Variants in PTPRD observed in about 807,000 individuals in gnomAD.
PTPRD encodes protein tyrosine phosphatase receptor type D.
In PTPRD, 34 loss-of-function variants were observed where a neutral mutation model predicts 214.5. The observed-to-expected ratio is 0.16, with a 90% CI of 0.12 to 0.21. The LOEUF is 0.21. Among genes scored for constraint, PTPRD ranks in the 10% least tolerant of loss-of-function variants. PTPRD has a pLI of 1.00. For synonymous variants in PTPRD, 1,128 were observed against 845.7 expected (o/e 1.33, Z -5.79); for missense variants, 2,545 against 2,398.7 (o/e 1.06, Z -1.27).
chr9:9,390,580 G>T (rs2065460296), intron 9 of PTPRD, among the ~76,000 whole-genome samples: 1 of 152,140 alleles, frequency 6.6e-6, no homozygotes, highest in South Asian at 2.1e-4. Context: ...TGTTATTATT[G>T]TTATTATTGC....
At chr9:10,378,777 T>A (rs1032989934) in intron 2 of PTPRD, among the ~76,000 whole-genome samples, 23 of 152,080 alleles carry the variant, frequency 1.5e-4, no homozygotes, top group African/African-American at 5.6e-4. Flanking sequence ...ACCTTTTGCA[T>A]AGAATAGTTT....
chr9:8,572,260 G>A (rs1433583311), intron 14 of PTPRD, among the ~76,000 whole-genome samples: 1 of 151,992 alleles, frequency 6.6e-6, no homozygotes, highest in Non-Finnish European at 1.5e-5. Flanking sequence ...TTAAGAGTCA[G>A]AATATAGCCT....
Position 9,576,020 on chromosome 9 carries a change from C to T in PTPRD, c.-286-1239G>A, listed in dbSNP as rs78558276. ...TGACTGGTAGGTCTACAAGTAGGTG[C>T]TCTACTGTGTAACCTCTAGCTAATT... On this transcript the variant is annotated intron_variant, in intron 7 of 45. Transcript: ENST00000381196. Among the ~76,000 whole-genome samples the T allele has an allele frequency of 9.2e-3, 1,403 of 152,080 alleles. 24 individuals are homozygous for T. The highest frequency in any genetic ancestry group is 0.031 in the African/African-American group (1,301 of 41,506).
intron 4 of PTPRD, among the ~76,000 whole-genome samples, chr9:9,987,043 A>T (rs1936366): frequency 0.62 from 94,318 of 151,882 alleles, 29,711 homozygotes; most frequent in Middle Eastern, 0.76. Flanking sequence ...ATAAGAGAGA[A>T]GATGAAAAAA....
In PTPRD at chr9:8,608,084, C is replaced by T. The variant is rs191031355; in HGVS notation, c.352+25233G>A. ...ACACTGTTTTTCCATTATTCAATTC[C>T]GCATATAGCTGAGAATAGGACACAG... On this transcript the variant is annotated intron_variant, in intron 14 of 45. Transcript: ENST00000381196. Among the ~76,000 whole-genome samples, 245 of 151,926 alleles carry T rather than the reference C, an allele frequency of 1.6e-3. 4 individuals carry two copies. Among genetic ancestry groups the T allele is most frequent in the Non-Finnish European group, 7.4e-4 (50 of 67,986 alleles).
At chr9:9,275,192 ATATATAT>A (rs374194515) in intron 9 of PTPRD, among the ~76,000 whole-genome samples, 4,693 of 18,436 alleles carry the variant, frequency 0.25, 280 homozygotes, top group Non-Finnish European at 0.34. Context: ...TGTTATATAT[ATATATAT>A]TATATATATA....
intron 10 of PTPRD, among the ~76,000 whole-genome samples, chr9:9,135,027 A>T (rs1469512962): frequency 1.3e-5 from 2 of 152,186 alleles, no homozygotes; most frequent in Non-Finnish European, 2.9e-5. Context: ...TATGCGCTTT[A>T]TGATGCTTTA....
Position 10,537,701 on chromosome 9 carries a change from TG to T in PTPRD, c.-600+74696del, listed in dbSNP as rs2058157412. 4.6e-5 allele frequency among the ~76,000 whole-genome samples: 7 copies of T among 152,224 alleles called. No individual in the cohort carries two copies. The South Asian group carries it at 1.4e-3, about 31-fold the overall frequency. ...AGTGAACACTCCTTCAGTGAGTTTCTGATTATATCCATATTTATATTTATCA... is the reference window on the plus strand; with the variant it reads ...AGTGAACACTCCTTCAGTGAGTTTCTATTATATCCATATTTATATTTATCA... On this transcript the variant is annotated intron_variant, in intron 2 of 45. Coordinates refer to ENST00000381196, the MANE Select transcript of PTPRD (RefSeq NM_002839.4).
intron 14 of PTPRD, among the ~76,000 whole-genome samples, chr9:8,534,743 A>G (rs987636652): frequency 6.6e-6 from 1 of 151,860 alleles, no homozygotes; most frequent in African/African-American, 2.4e-5. Flanking sequence ...GCAGAAAGTC[A>G]GTGGATTTTT....
At chr9:10,529,368 A>T (rs535133825) in intron 2 of PTPRD, among the ~76,000 whole-genome samples, 229 of 152,284 alleles carry the variant, frequency 1.5e-3, no homozygotes, top group Non-Finnish European at 2.8e-3. Context: ...GCACATATAC[A>T]CCATGGAATA....
At chr9:9,351,532 G>A (rs1033601202) in intron 9 of PTPRD, among the ~76,000 whole-genome samples, 17 of 152,002 alleles carry the variant, frequency 1.1e-4, no homozygotes, top group Non-Finnish European at 2.1e-4. Flanking sequence ...CTTCCTAGGT[G>A]GAGGGCTTTA....
intron 10 of PTPRD, among the ~76,000 whole-genome samples, chr9:9,146,440 C>T (rs2099868754): frequency 6.6e-6 from 1 of 152,000 alleles, no homozygotes; most frequent in South Asian, 2.1e-4. Context: ...GCTCAGGAGT[C>T]TGCCTTTTAA....
intron 10 of PTPRD, among the ~76,000 whole-genome samples, chr9:9,132,562 T>A (rs1226532054): frequency 6.6e-6 from 1 of 152,214 alleles, no homozygotes; most frequent in Non-Finnish European, 1.5e-5. Flanking sequence ...TTCAAAGGAA[T>A]TATGACACCT....
chr9:9,051,675 A>G (rs1001933748), intron 10 of PTPRD, among the ~76,000 whole-genome samples: 6 of 152,322 alleles, frequency 3.9e-5, no homozygotes, highest in African/African-American at 1.4e-4. Flanking sequence ...AGGTTGTGAC[A>G]TGGTCATTAA....
At chr9:10,529,353 A>G (rs947884312) in intron 2 of PTPRD, among the ~76,000 whole-genome samples, 1 of 152,192 alleles carries the variant, frequency 6.6e-6, no homozygotes, top group Non-Finnish European at 1.5e-5. Context: ...GATAAACAAT[A>G]TGTGGCACAT....
At chr9:9,438,354 T>C (rs1277866388) in intron 8 of PTPRD, among the ~76,000 whole-genome samples, 1 of 152,164 alleles carries the variant, frequency 6.6e-6, no homozygotes, top group Admixed American at 6.6e-5. Flanking sequence ...GACACAACCA[T>C]GAAGCTATGT....
intron 3 of PTPRD, among the ~76,000 whole-genome samples, chr9:10,308,603 A>T (rs1021097633): frequency 8.5e-5 from 13 of 152,076 alleles, no homozygotes; most frequent in African/African-American, 2.9e-4. Flanking sequence ...GAATAATACC[A>T]TTAGTATTTT....
At chr9:8,950,975 A>T (rs1440272009) in intron 11 of PTPRD, among the ~76,000 whole-genome samples, 1 of 152,136 alleles carries the variant, frequency 6.6e-6, no homozygotes, top group Admixed American at 6.6e-5. Context: ...ACGTTTTGAT[A>T]GTTGAATCCT....
intron 11 of PTPRD, among the ~76,000 whole-genome samples, chr9:8,940,725 A>C (rs1897678): frequency 6.6e-6 from 1 of 151,618 alleles, no homozygotes; most frequent in African/African-American, 2.4e-5. Context: ...ATCTTTCCCA[A>C]GCCAATAATT....
Sources: allele counts gnomAD v4.1 joint callset (sites outside exome capture counted in the v4.1 genomes callset), GRCh38; gene constraint gnomAD v4.1.1; transcripts MANE v1.5; gene names NCBI Gene and HGNC (gene_info 2026-07-23, HGNC 2026-07-21).